The following ANKRD30B variants were observed in gnomAD, a reference collection of about 807,000 sequenced individuals.
ANKRD30B encodes the protein ankyrin repeat domain 30B.
ANKRD30B carries 144 observed loss-of-function variants against 202.2 expected under a neutral mutation model. The ratio of observed to expected loss-of-function variants is 0.71; its 90% CI spans 0.62 to 0.82. The LOEUF is 0.82. Ranked by LOEUF, ANKRD30B falls within the 40% of genes least tolerant of loss-of-function variation. The pLI is 0.00. For missense variants in ANKRD30B, 1,487 were observed against 1,669.1 expected (o/e 0.89, Z 1.90); for synonymous variants, 508 against 561.3 (o/e 0.91, Z 1.34).
At chr18:14,916,013 A>G in the ANKRD30B span, among the ~76,000 whole-genome samples, 1 of 152,220 alleles carries the variant, frequency 6.6e-6, no homozygotes, top group Admixed American at 6.5e-5. Flanking sequence ...ACCATTTTAT[A>G]TTAGAAATCT....
At chr18:14,846,496 A>G (rs938464919) in intron 39 of ANKRD30B, among the ~76,000 whole-genome samples, 1 of 151,584 alleles carries the variant, frequency 6.6e-6, no homozygotes, top group Non-Finnish European at 1.5e-5. Context: ...CTGCCTCCTT[A>G]TTCTACCACT....
At chr18:14,799,906 T>A (rs1211181758) in intron 22 of ANKRD30B, among the ~76,000 whole-genome samples, 1 of 152,114 alleles carries the variant, frequency 6.6e-6, no homozygotes, top group South Asian at 2.1e-4. Flanking sequence ...CCTGAATTAA[T>A]TTTTGTTGTC....
rs1186812954 is a variant in ANKRD30B at position 14,826,728 on chromosome 18, A to ACAC, written c.2744-1550_2744-1549insCAC. Among the ~76,000 whole-genome samples, 5 of 33,390 alleles carry ACAC rather than the reference A, an allele frequency of 1.5e-4. No individual in the cohort carries two copies. In the South Asian group the frequency reaches 3.6e-3, roughly 24 times the overall value. The allele number at this position is 33,390 out of a possible 152,430, so 21.9% of individuals were successfully genotyped here. A position where few individuals can be genotyped will look rare whatever the true frequency, so the allele number is the denominator to read the frequency against. On this transcript the variant is annotated intron_variant, in intron 32 of 43. Coordinates refer to ENST00000690538, the MANE Select transcript of ANKRD30B (RefSeq NM_001367607.2). ...ACACACACACACACACACACACACA[A>ACAC]GTACAGTAATTCATCCTTATCCAAG...
At chr18:14,860,365 C>G in the ANKRD30B span, among the ~76,000 whole-genome samples, 1 of 115,016 alleles carries the variant, frequency 8.7e-6, no homozygotes, top group Admixed American at 9.1e-5. Context: ...CGGGCAGAGG[C>G]GCTCCTCACT....
Position 14,810,130 on chromosome 18 carries a change from C to A in ANKRD30B, c.2438C>A (p.Ser813Tyr), listed in dbSNP as rs771962823. ...TAGCCTACCTGTGTAAGGAAAGTTT[C>A]TCTTCCAAATAAAGCCTTAGAATTA... is the stretch of plus-strand genomic sequence containing the variant. ...LLKPTCVRKV[S>Y]LPNKALELKD... is the part of the protein sequence containing the mutation. Residue 813 changes from serine to tyrosine, a missense_variant, in exon 28 of 44, where the codon TCT (serine) becomes TAT (tyrosine). Ser to Tyr is a moderately radical substitution (Grantham distance 144). Around this residue, in one of 6 missense-constraint regions of ANKRD30B, gnomAD observed 218 missense variants for 320.1 expected, o/e 0.68. Coordinates refer to ENST00000690538, the MANE Select transcript of ANKRD30B (RefSeq NM_001367607.2). The A allele has an allele frequency of 2.0e-6, 3 of 1,489,394 alleles. No homozygotes were observed. Among genetic ancestry groups the A allele is most frequent in the South Asian group, 1.2e-5 (1 of 83,592 alleles). The allele number at this position is 1,489,394 out of a possible 1,614,324, so 92.3% of individuals were successfully genotyped here. A position where few individuals can be genotyped will look rare whatever the true frequency, so the allele number is the denominator to read the frequency against.
chr18:14,912,480 G>A, the ANKRD30B span, among the ~76,000 whole-genome samples: 1 of 152,112 alleles, frequency 6.6e-6, no homozygotes, highest in Non-Finnish European at 1.5e-5. Flanking sequence ...CCTGATCATG[G>A]TGTATTATCT....
the ANKRD30B span, among the ~76,000 whole-genome samples, chr18:14,885,576 C>G: frequency 6.6e-6 from 1 of 151,828 alleles, no homozygotes; most frequent in Non-Finnish European, 1.5e-5. Context: ...TGAGGGGCAC[C>G]GTTTTAGAGT....
At chr18:14,910,446 A>T in the ANKRD30B span, among the ~76,000 whole-genome samples, 1 of 151,198 alleles carries the variant, frequency 6.6e-6, no homozygotes, top group South Asian at 2.1e-4. Context: ...AGTGTTACAT[A>T]ATATATATGT....
the ANKRD30B span, chr18:14,877,648 G>A: frequency 6.6e-6 from 1 of 151,916 alleles, no homozygotes; most frequent in African/African-American, 2.4e-5. Context: ...AGAAAACTGA[G>A]GCTCAGAGGT....
the ANKRD30B span, among the ~76,000 whole-genome samples, chr18:14,904,679 G>A: frequency 6.6e-6 from 1 of 152,146 alleles, no homozygotes; most frequent in Non-Finnish European, 1.5e-5. Flanking sequence ...AATATTTAGA[G>A]ATTTATTCTT....
chr18:14,864,292 A>T, the ANKRD30B span, among the ~76,000 whole-genome samples: 6 of 152,100 alleles, frequency 3.9e-5, no homozygotes, highest in Non-Finnish European at 5.9e-5. Context: ...CCAAGATCAC[A>T]CCACTGCACT....
At chr18:14,871,808 G>T in the ANKRD30B span, among the ~76,000 whole-genome samples, 147,898 of 151,978 alleles carry the variant, frequency 0.97, 72,110 homozygotes, top group Middle Eastern at 1. Context: ...GAGGAACAGT[G>T]GAGCCTAGGA....
chr18:14,791,543 C>A, intron 16 of ANKRD30B, 52 bp downstream of exon 16: 1 of 1,410,116 alleles, frequency 7.1e-7, no homozygotes, highest in South Asian at 1.2e-5. Flanking sequence ...TTTATCTAAA[C>A]TGATGAGGAA....
the ANKRD30B span, among the ~76,000 whole-genome samples, chr18:14,928,957 T>C: frequency 6.6e-6 from 1 of 152,350 alleles, no homozygotes; most frequent in Non-Finnish European, 1.5e-5. Flanking sequence ...ATTCCAGTCT[T>C]TCTAAACTAG....
the ANKRD30B span, among the ~76,000 whole-genome samples, chr18:14,921,522 A>G: frequency 9.2e-5 from 14 of 152,116 alleles, no homozygotes; most frequent in African/African-American, 3.4e-4. Context: ...TCACACATAC[A>G]CTGAGATCCT....
chr18:14,795,106 A>C (rs148234359), intron 16 of ANKRD30B, among the ~76,000 whole-genome samples: 121 of 152,366 alleles, frequency 7.9e-4, no homozygotes, highest in African/African-American at 2.7e-3. Context: ...GTTATTTTCA[A>C]TAACCATTAC....
At chr18:14,868,576 C>A in the ANKRD30B span, among the ~76,000 whole-genome samples, 1 of 152,262 alleles carries the variant, frequency 6.6e-6, no homozygotes, top group African/African-American at 2.4e-5. Flanking sequence ...AGAAAGGGAA[C>A]CTCTCAGGAG....
the ANKRD30B span, among the ~76,000 whole-genome samples, chr18:14,901,170 G>T: frequency 1.3e-5 from 2 of 152,086 alleles, no homozygotes; most frequent in East Asian, 3.9e-4. Context: ...CTTGTCAATT[G>T]TGTCTTTAAC....
intron 24 of ANKRD30B, among the ~76,000 whole-genome samples, chr18:14,808,182 G>C (rs1006384420): frequency 6.7e-6 from 1 of 150,290 alleles, no homozygotes; most frequent in Non-Finnish European, 1.5e-5. Flanking sequence ...CATTACCTAG[G>C]ACTTATTTTT....
Sources: allele counts gnomAD v4.1 joint callset (sites outside exome capture counted in the v4.1 genomes callset), GRCh38; gene constraint gnomAD v4.1.1; regional missense constraint gnomAD v4.1.1; transcripts MANE v1.5; gene names NCBI Gene and HGNC (gene_info 2026-07-23, HGNC 2026-07-21).